LHFPL3: variants seen among roughly 807,000 people sequenced by gnomAD.
The protein encoded by LHFPL3 is LHFPL tetraspan subfamily member 3.
In LHFPL3, 5 loss-of-function variants were observed where a neutral mutation model predicts 19.3. That is an observed-to-expected ratio of 0.26 (90% CI 0.14 to 0.54). The LOEUF is 0.54. Ranked by LOEUF, LHFPL3 falls within the 20% of genes least tolerant of loss-of-function variation. LHFPL3 has a pLI of 0.94. For missense variants in LHFPL3, 249 were observed against 307.4 expected (o/e 0.81, Z 1.42); for synonymous variants, 133 against 126.2 (o/e 1.05, Z -0.36).
At chr7:104,581,477 T>G (rs1790460540) in intron 1 of LHFPL3, among the ~76,000 whole-genome samples, 1 of 152,050 alleles carries the variant, frequency 6.6e-6, no homozygotes. Context: ...CTTAATAGTA[T>G]AGTTTGAGGA....
At chr7:104,776,347 C>T (rs972612574) in intron 2 of LHFPL3, among the ~76,000 whole-genome samples, 1 of 152,228 alleles carries the variant, frequency 6.6e-6, no homozygotes, top group Non-Finnish European at 1.5e-5. Context: ...CCCATCCCCA[C>T]CTGCATACAG....
At chr7:104,742,015 T>C (rs1793945579) in intron 2 of LHFPL3, among the ~76,000 whole-genome samples, 1 of 152,196 alleles carries the variant, frequency 6.6e-6, no homozygotes, top group Admixed American at 6.5e-5. Flanking sequence ...CCAATAACAG[T>C]AGGCATTTAA....
At chr7:104,695,297 T>C (rs996076273) in intron 1 of LHFPL3, among the ~76,000 whole-genome samples, 2 of 152,184 alleles carry the variant, frequency 1.3e-5, no homozygotes, top group Non-Finnish European at 2.9e-5. Context: ...AATGAGTAAA[T>C]GAGTTAACTA....
chr7:104,736,970 T>C, intron 2 of LHFPL3, 59 bp downstream of exon 2: 1 of 1,309,690 alleles, frequency 7.6e-7, no homozygotes, highest in Non-Finnish European at 1.1e-6. Flanking sequence ...AATGGTGCTC[T>C]CCATTCTTTC....
At chr7:104,410,353 G>A (rs947486762) in intron 1 of LHFPL3, among the ~76,000 whole-genome samples, 1 of 152,054 alleles carries the variant, frequency 6.6e-6, no homozygotes, top group African/African-American at 2.4e-5. Context: ...GGCTGGTCTC[G>A]AATTCCTGAC....
At chr7:104,614,922 T>A (rs1211709577) in intron 1 of LHFPL3, among the ~76,000 whole-genome samples, 2 of 151,604 alleles carry the variant, frequency 1.3e-5, no homozygotes, top group Non-Finnish European at 2.9e-5. Context: ...GGCTAATTTT[T>A]AAAAATTTTT....
chr7:104,376,331 T>TA (rs1231694781), intron 1 of LHFPL3, among the ~76,000 whole-genome samples: 2 of 152,180 alleles, frequency 1.3e-5, no homozygotes, highest in Non-Finnish European at 1.5e-5. Flanking sequence ...TAAGTACAAG[T>TA]AAAAAAGTAT....
chr7:104,754,736 T>G (rs891205615), intron 2 of LHFPL3, among the ~76,000 whole-genome samples: 1 of 152,128 alleles, frequency 6.6e-6, no homozygotes, highest in Non-Finnish European at 1.5e-5. Context: ...GAAATAAGGG[T>G]TGGGAAAAAG....
Position 104,432,548 on chromosome 7 carries a change from T to C in LHFPL3, c.445+103324T>C, listed in dbSNP as rs537894298. 3.9e-5 allele frequency among the ~76,000 whole-genome samples: 6 copies of C among 152,298 alleles called. No homozygotes were observed. In the South Asian group the frequency reaches 8.3e-4, roughly 21 times the overall value. On this transcript the variant is annotated intron_variant, in intron 1 of 2. Coordinates refer to ENST00000424859, the MANE Select transcript of LHFPL3 (RefSeq NM_199000.3). ...ATCTCATCTCCTTCAAAGGCCTCAA[T>C]TGCCACCTACATGCTGAAGGTTTCT... is the stretch of plus-strand genomic sequence containing the variant.
chr7:104,463,160 C>A (rs1792709677), intron 1 of LHFPL3, among the ~76,000 whole-genome samples: 1 of 152,072 alleles, frequency 6.6e-6, no homozygotes, highest in South Asian at 2.1e-4. Context: ...AGCAGCCTAT[C>A]TTATTACATT....
chr7:104,817,832 T>C (rs1790594554), intron 2 of LHFPL3, among the ~76,000 whole-genome samples: 1 of 152,162 alleles, frequency 6.6e-6, no homozygotes, highest in African/African-American at 2.4e-5. Context: ...TCTTTTGAAA[T>C]CCTCCCATTG....
intron 1 of LHFPL3, among the ~76,000 whole-genome samples, chr7:104,540,036 A>G (rs1794455497): frequency 6.6e-6 from 1 of 152,128 alleles, no homozygotes; most frequent in Non-Finnish European, 1.5e-5. Context: ...TGGAGAGTGA[A>G]TGGGGAGAAA....
At chr7:104,603,715 G>A (rs1012389437) in intron 1 of LHFPL3, among the ~76,000 whole-genome samples, 2 of 152,224 alleles carry the variant, frequency 1.3e-5, no homozygotes, top group Non-Finnish European at 2.9e-5. Flanking sequence ...GGAGGAATAG[G>A]CAAGAAGAAA....
At chr7:104,842,245 A>G (rs4730054) in intron 2 of LHFPL3, among the ~76,000 whole-genome samples, 144,562 of 145,296 alleles carry the variant, frequency 0.99, 71,919 homozygotes, top group Middle Eastern at 1. Flanking sequence ...ATACTCTCAA[A>G]GTTACTCAGG....
chr7:104,524,142 A>G (rs1354478192), intron 1 of LHFPL3, among the ~76,000 whole-genome samples: 2 of 152,220 alleles, frequency 1.3e-5, no homozygotes, highest in African/African-American at 4.8e-5. Context: ...TAGTCACAGT[A>G]TCTAGCACAG....
intron 1 of LHFPL3, among the ~76,000 whole-genome samples, chr7:104,661,831 A>G (rs911284059): frequency 1.3e-5 from 2 of 152,238 alleles, no homozygotes; most frequent in Admixed American, 1.3e-4. Flanking sequence ...TTTTCACTTA[A>G]AGGAAGCACT....
At chr7:104,556,080 C>T (rs997083740) in intron 1 of LHFPL3, among the ~76,000 whole-genome samples, 2 of 152,168 alleles carry the variant, frequency 1.3e-5, no homozygotes, top group African/African-American at 4.8e-5. Flanking sequence ...CAGGGTATAG[C>T]CTGCTTCTAG....
chr7:104,707,971 CAG>C (rs1463338158), intron 1 of LHFPL3, among the ~76,000 whole-genome samples: 1 of 152,212 alleles, frequency 6.6e-6, no homozygotes, highest in Non-Finnish European at 1.5e-5. Flanking sequence ...AGAGGTACAT[CAG>C]AGAGGCCAAA....
At position 104,822,162 on chromosome 7, in the gene LHFPL3, G is replaced by A. The variant is rs78645536; in HGVS notation, c.683-84025G>A. On this transcript the variant is annotated intron_variant, in intron 2 of 2. Transcript: ENST00000424859. Reference sequence around the variant, plus strand: ...TAAGTGTTTGAAACCGGTTTCAATAGCCCAAGGTTCATACTGTGTTCCAGA... The same window carrying A: ...TAAGTGTTTGAAACCGGTTTCAATAACCCAAGGTTCATACTGTGTTCCAGA... Among the ~76,000 whole-genome samples, 725 of 152,276 alleles carry A rather than the reference G, an allele frequency of 4.8e-3. 1 individual carries two copies. Among genetic ancestry groups the A allele is most frequent in the Non-Finnish European group, 9.0e-3 (610 of 68,014 alleles).
Sources: allele counts gnomAD v4.1 joint callset (sites outside exome capture counted in the v4.1 genomes callset), GRCh38; gene constraint gnomAD v4.1.1; transcripts MANE v1.5; gene names NCBI Gene and HGNC (gene_info 2026-07-23, HGNC 2026-07-21).